The following MAPK10 variants were observed in gnomAD, a reference collection of about 807,000 sequenced individuals.
MAPK10 encodes the protein mitogen-activated protein kinase 10.
MAPK10 carries 25 observed loss-of-function variants against 59.3 expected under a neutral mutation model. That is an observed-to-expected ratio of 0.42 (90% CI 0.31 to 0.59). The LOEUF is 0.59. MAPK10 is among the 20% of genes least tolerant of loss of function. The probability of loss-of-function intolerance (pLI) is 0.15; values close to 1 mark genes in which losing one functional copy is unlikely to be tolerated. For synonymous variants in MAPK10, 190 were observed against 200.5 expected (o/e 0.95, Z 0.44); for missense variants, 351 against 568.9 (o/e 0.62, Z 3.90).
rs185585079 is a variant in MAPK10 at position 86,336,667 on chromosome 4, C to T, written c.-7+17863G>A. ...ACACTCTCTATTCCATATTTCTGCT[C>T]AACATTCTCCTCGACCATACCTACC... On this transcript the variant is annotated intron_variant, in intron 2 of 13. Transcript: ENST00000641462. 3.3e-5 allele frequency: 5 copies of T among 152,158 alleles called. No homozygotes were observed. In the East Asian group the frequency reaches 9.7e-4, roughly 29 times the overall value. The allele number at this position is 152,158 out of a possible 1,614,324, so 9.4% of individuals were successfully genotyped here.
At chr4:86,078,705 A>C (rs2050025167) in intron 9 of MAPK10, among the ~76,000 whole-genome samples, 1 of 152,038 alleles carries the variant, frequency 6.6e-6, no homozygotes, top group African/African-American at 2.4e-5. Flanking sequence ...AAATGTTTTT[A>C]GGGGCCAGGG....
intron 1 of MAPK10, among the ~76,000 whole-genome samples, chr4:86,495,894 T>A (rs1361595897): frequency 6.6e-6 from 1 of 152,164 alleles, no homozygotes; most frequent in African/African-American, 2.4e-5. Context: ...AGGCTGAATT[T>A]TTTTGCATAT....
intron 2 of MAPK10, among the ~76,000 whole-genome samples, chr4:86,232,085 C>T (rs1338479896): frequency 6.6e-6 from 1 of 152,204 alleles, no homozygotes; most frequent in African/African-American, 2.4e-5. Context: ...GTTTCTAACA[C>T]AGCTATTCAA....
Position 86,365,308 on chromosome 4 carries a change from T to C in MAPK10, c.-121-10664A>G, listed in dbSNP as rs541132452. 3.6e-4 allele frequency among the ~76,000 whole-genome samples: 54 copies of C among 151,890 alleles called. 1 individual carries two copies. In the East Asian group the frequency reaches 0.01, roughly 29 times the overall value. On this transcript the variant is annotated intron_variant, in intron 1 of 13. Transcript: ENST00000361569. ...TTAGCTGGGTGTGGTGGCACTTGCCTATAGTCCCAGCTACCTGGGAGGCTG... is the reference window on the plus strand; with the variant it reads ...TTAGCTGGGTGTGGTGGCACTTGCCCATAGTCCCAGCTACCTGGGAGGCTG...
intron 1 of MAPK10, among the ~76,000 whole-genome samples, chr4:86,504,981 C>T (rs1283962309): frequency 6.6e-6 from 1 of 152,130 alleles, no homozygotes; most frequent in East Asian, 1.9e-4. Context: ...AAAGCCCATC[C>T]ACTCTGCATC....
At chr4:86,190,400 T>C (rs1349025476) in intron 3 of MAPK10, among the ~76,000 whole-genome samples, 2 of 152,198 alleles carry the variant, frequency 1.3e-5, no homozygotes, top group African/African-American at 4.8e-5. Flanking sequence ...TGGTAGGCTA[T>C]TAATTACTGC....
chr4:86,549,982 T>A (rs1430907974), intron 1 of MAPK10, among the ~76,000 whole-genome samples: 1 of 152,208 alleles, frequency 6.6e-6, no homozygotes, highest in Non-Finnish European at 1.5e-5. Flanking sequence ...TTACAAGTGA[T>A]CTGTAAGTTG....
intron 9 of MAPK10, among the ~76,000 whole-genome samples, chr4:86,069,142 A>G (rs57104166): frequency 0.068 from 10,345 of 152,198 alleles, 442 homozygotes; most frequent in African/African-American, 0.12. Context: ...ACTGAAAAAG[A>G]TTGTCAGTCC....
chr4:86,510,089 A>G (rs1439498719), intron 1 of MAPK10, among the ~76,000 whole-genome samples: 1 of 152,122 alleles, frequency 6.6e-6, no homozygotes, highest in African/African-American at 2.4e-5. Context: ...ACTTAAGTAA[A>G]TCTTTGATAA....
At chr4:86,126,524 G>T (rs1383444473) in intron 4 of MAPK10, among the ~76,000 whole-genome samples, 1 of 151,952 alleles carries the variant, frequency 6.6e-6, no homozygotes, top group Admixed American at 6.6e-5. Flanking sequence ...AAATATGTTA[G>T]AAAAGGGGCA....
At chr4:86,072,307 T>A (rs1163303248) in intron 9 of MAPK10, among the ~76,000 whole-genome samples, 4 of 152,076 alleles carry the variant, frequency 2.6e-5, no homozygotes, top group Admixed American at 6.6e-5. Flanking sequence ...GACGATGGGG[T>A]TTTCTAGATA....
At chr4:86,265,401 C>T (rs1380073906) in intron 2 of MAPK10, among the ~76,000 whole-genome samples, 1 of 151,508 alleles carries the variant, frequency 6.6e-6, no homozygotes, top group South Asian at 2.1e-4. Context: ...CCCAGCTACT[C>T]AGGAGGCTGA....
intron 2 of MAPK10, among the ~76,000 whole-genome samples, chr4:86,292,911 C>A (rs1180722600): frequency 6.6e-6 from 1 of 152,124 alleles, no homozygotes; most frequent in Non-Finnish European, 1.5e-5. Context: ...CGTGTCCAGG[C>A]CATCAGGCTA....
rs1750241339 is a variant in MAPK10, at chr4:86,447,998, TA to T, written c.-122+5031del. 2.0e-5 allele frequency among the ~76,000 whole-genome samples: 3 copies of T among 152,220 alleles called. 1 individual carries two copies. In the South Asian group the frequency reaches 6.2e-4, roughly 32 times the overall value. ...TTAGAAGCAAGTTAGTTGTGCTCTCTATGTCTCAGTTTCCCCTTTTCTAAAT... is the reference window on the plus strand; with the variant it reads ...TTAGAAGCAAGTTAGTTGTGCTCTCTTGTCTCAGTTTCCCCTTTTCTAAAT... On this transcript the variant is annotated intron_variant, in intron 1 of 13. Coordinates refer to the MAPK10 transcript ENST00000361569.
intron 1 of MAPK10, among the ~76,000 whole-genome samples, chr4:86,587,387 G>C: frequency 6.6e-6 from 1 of 152,186 alleles, no homozygotes; most frequent in East Asian, 1.9e-4. Flanking sequence ...TGGACCTGAA[G>C]GTAATTCTAG....
intron 1 of MAPK10, among the ~76,000 whole-genome samples, chr4:86,529,439 C>T (rs1352835104): frequency 6.6e-6 from 1 of 152,242 alleles, no homozygotes; most frequent in Non-Finnish European, 1.5e-5. Flanking sequence ...AGGCCCCACT[C>T]ATGCCTTCTC....
intron 1 of MAPK10, among the ~76,000 whole-genome samples, chr4:86,371,455 A>T (rs942760078): frequency 6.6e-6 from 1 of 152,212 alleles, no homozygotes; most frequent in Admixed American, 6.5e-5. Flanking sequence ...GGAGACTTAG[A>T]GAGAGTTTAA....
At chr4:86,116,584 T>C (rs2149102280) in intron 4 of MAPK10, among the ~76,000 whole-genome samples, 1 of 152,304 alleles carries the variant, frequency 6.6e-6, no homozygotes, top group East Asian at 1.9e-4. Flanking sequence ...GTGGAATAAC[T>C]GAGAAAATCC....
rs1491138462 is a variant in MAPK10 at position 86,546,571 on chromosome 4, AAG to A, written c.-263+47337_-263+47338del. Among the ~76,000 whole-genome samples, 22 of 149,520 alleles carry A rather than the reference AAG, an allele frequency of 1.5e-4. 1 individual carries two copies. The highest frequency in any genetic ancestry group is 1.1e-3 in the Admixed American group (17 of 14,988). Reference sequence around the variant, plus strand: ...AAACTCCTTCTAAAAAAAAAAAAAAAAGAAGAAAGAATTTCAAGGTGGCAAAA... The same window carrying A: ...AAACTCCTTCTAAAAAAAAAAAAAAAAAGAAAGAATTTCAAGGTGGCAAAA... On this transcript the variant is annotated intron_variant, in intron 1 of 4. Coordinates refer to the MAPK10 transcript ENST00000502302.
Sources: gnomAD v4.1 joint callset for allele counts (sites outside exome capture counted in the v4.1 genomes callset) on GRCh38, gnomAD v4.1.1 for gene constraint, MANE v1.5 for transcripts, NCBI Gene and HGNC (gene_info 2026-07-23, HGNC 2026-07-21) for gene names.